The following DACH1 variants were observed in gnomAD, a reference collection of about 807,000 sequenced individuals.
DACH1 encodes the protein dachshund family transcription factor 1.
In DACH1, 12 loss-of-function variants were observed where a neutral mutation model predicts 54.2. The observed-to-expected ratio is 0.22, with a 90% CI of 0.14 to 0.36. The LOEUF (loss-of-function observed/expected upper bound fraction) is 0.36. Ranked by LOEUF, DACH1 falls within the 10% of genes least tolerant of loss-of-function variation. The pLI, the probability that DACH1 is intolerant of heterozygous loss-of-function variation, is 1.00. For missense variants in DACH1, 805 were observed against 929.8 expected, an observed-to-expected ratio of 0.87 and a Z score of 1.75; for synonymous variants, 386 against 366.2, an observed-to-expected ratio of 1.05 and a Z score of -0.62.
chr13:71,694,697 C>A (rs1383908438), intron 1 of DACH1, among the ~76,000 whole-genome samples: 2 of 152,146 alleles, frequency 1.3e-5, no homozygotes, highest in Non-Finnish European at 2.9e-5. Context: ...GAATACTAGG[C>A]TGAGGCTGCT....
intron 1 of DACH1, among the ~76,000 whole-genome samples, chr13:71,777,324 T>C (rs963113015): frequency 3.3e-5 from 5 of 152,184 alleles, no homozygotes; most frequent in Admixed American, 3.3e-4. Flanking sequence ...AACAAACTGT[T>C]TGGTAGCTTG....
chr13:71,682,211 G>A (rs1880943879), intron 1 of DACH1, among the ~76,000 whole-genome samples: 1 of 152,116 alleles, frequency 6.6e-6, no homozygotes, highest in South Asian at 2.1e-4. Flanking sequence ...TCTGCATGCA[G>A]CCTTCAGCAC....
intron 2 of DACH1, among the ~76,000 whole-genome samples, chr13:71,646,605 T>C (rs1199836164): frequency 2.6e-5 from 4 of 152,168 alleles, no homozygotes; most frequent in African/African-American, 9.6e-5. Context: ...GATCCATCTA[T>C]TTGATCAAGT....
At position 71,616,754 on chromosome 13, in the gene DACH1, A is replaced by C. The variant is rs1398807587; in HGVS notation, c.1126+13802T>G. Among the ~76,000 whole-genome samples, 13 of 152,090 alleles carry C rather than the reference A, an allele frequency of 8.5e-5. No homozygotes were observed. In the East Asian group the frequency reaches 2.3e-3, roughly 27 times the overall value. On this transcript the variant is annotated intron_variant, in intron 3 of 10. Coordinates refer to ENST00000613252, the MANE Select transcript of DACH1 (RefSeq NM_080759.6). ...CTGTCTCTAAAATGAACAAATGAGAAAAGAATAGGGTATTGGATTCAGAAT... is the reference window on the plus strand; with the variant it reads ...CTGTCTCTAAAATGAACAAATGAGACAAGAATAGGGTATTGGATTCAGAAT...
chr13:71,545,583 G>A (rs1183225965), intron 6 of DACH1, among the ~76,000 whole-genome samples: 1 of 151,202 alleles, frequency 6.6e-6, no homozygotes, highest in African/African-American at 2.4e-5. Context: ...AGGAAGGAAG[G>A]GAGGGAGGAA....
chr13:71,845,252 T>C (rs145050652), intron 1 of DACH1, among the ~76,000 whole-genome samples: 54 of 152,270 alleles, frequency 3.5e-4, no homozygotes, highest in African/African-American at 1.3e-3. Context: ...TCTAAAAATG[T>C]TATTATAAAT....
At chr13:71,684,605 T>C (rs1881067456) in intron 1 of DACH1, among the ~76,000 whole-genome samples, 1 of 152,142 alleles carries the variant, frequency 6.6e-6, no homozygotes, top group African/African-American at 2.4e-5. Context: ...TTCTAGTTAG[T>C]ATTTTTTCTG....
intron 1 of DACH1, among the ~76,000 whole-genome samples, chr13:71,707,094 A>G (rs1882486846): frequency 6.6e-6 from 1 of 152,228 alleles, no homozygotes. Flanking sequence ...TGACTAGGTC[A>G]AAGGACTTGA....
chr13:71,800,792 T>G (rs1271023875), intron 1 of DACH1, among the ~76,000 whole-genome samples: 1 of 152,070 alleles, frequency 6.6e-6, no homozygotes, highest in Non-Finnish European at 1.5e-5. Context: ...AGCGGCTAAT[T>G]TGAAGTCCTC....
chr13:71,780,185 G>A (rs1344789813), intron 1 of DACH1, among the ~76,000 whole-genome samples: 1 of 152,090 alleles, frequency 6.6e-6, no homozygotes, highest in Non-Finnish European at 1.5e-5. Context: ...GAACGGGAGA[G>A]GCTTCCAGAT....
intron 1 of DACH1, among the ~76,000 whole-genome samples, chr13:71,784,036 G>A (rs967965573): frequency 6.6e-6 from 1 of 151,056 alleles, no homozygotes; most frequent in Non-Finnish European, 1.5e-5. Context: ...AACTTATTGA[G>A]GACAACTGAG....
chr13:71,577,237 C>G (rs1167298781), intron 3 of DACH1, among the ~76,000 whole-genome samples: 1 of 152,158 alleles, frequency 6.6e-6, no homozygotes, highest in East Asian at 1.9e-4. Context: ...CCTCCAACCC[C>G]TGCTCCCAAT....
intron 1 of DACH1, among the ~76,000 whole-genome samples, chr13:71,821,310 T>G (rs960466562): frequency 4.5e-4 from 68 of 151,948 alleles, no homozygotes; most frequent in East Asian, 5.8e-4. Flanking sequence ...TACTACACAG[T>G]TTTCCTCTCC....
At chr13:71,450,186 G>GT (rs1266240071) in intron 10 of DACH1, among the ~76,000 whole-genome samples, 3 of 141,028 alleles carry the variant, frequency 2.1e-5, no homozygotes, top group Non-Finnish European at 4.7e-5. Context: ...TTTTTTTTTG[G>GT]TTTTTTGTTT....
chr13:71,553,652 GTA>G (rs368486773), intron 6 of DACH1, among the ~76,000 whole-genome samples: 139 of 138,322 alleles, frequency 1.0e-3, no homozygotes, highest in African/African-American at 2.0e-3. Context: ...TATATATATA[GTA>G]TATATATATA....
intron 3 of DACH1, among the ~76,000 whole-genome samples, chr13:71,627,838 A>C (rs754068695): frequency 9.9e-5 from 15 of 152,060 alleles, no homozygotes; most frequent in Non-Finnish European, 1.8e-4. Flanking sequence ...CTTAGCAAGT[A>C]ATAGCTACCA....
intron 1 of DACH1, chr13:71,846,008 ATT>A: frequency 1.2e-5 from 2 of 167,972 alleles, no homozygotes; most frequent in Non-Finnish European, 2.7e-5. Context: ...GTCGAAGGCC[ATT>A]TTTTTTTGCT....
intron 2 of DACH1, among the ~76,000 whole-genome samples, chr13:71,642,248 T>C (rs1877963118): frequency 6.6e-6 from 1 of 152,210 alleles, no homozygotes. Flanking sequence ...TCACCTTAAA[T>C]AATTTAAGCT....
intron 8 of DACH1, among the ~76,000 whole-genome samples, chr13:71,476,730 C>G (rs551872803): frequency 1.3e-5 from 2 of 152,066 alleles, no homozygotes; most frequent in East Asian, 3.9e-4. Context: ...AACTACTGTT[C>G]TTTACAAAAT....
Sources: allele counts gnomAD v4.1 joint callset (sites outside exome capture counted in the v4.1 genomes callset), GRCh38; gene constraint gnomAD v4.1.1; transcripts MANE v1.5; gene names NCBI Gene and HGNC (gene_info 2026-07-23, HGNC 2026-07-21).